C1QTNF9: variants seen among roughly 807,000 people sequenced by gnomAD.
C1QTNF9 encodes complement C1q and tumor necrosis factor-related protein 9A.
Under a neutral mutation model 10.1 loss-of-function variants are expected in C1QTNF9, and 6 were observed. The ratio of observed to expected loss-of-function variants is 0.59; its 90% confidence interval spans 0.32 to 1.17. The LOEUF is 1.17. C1QTNF9 is among the 50% of genes most tolerant of loss of function. The pLI, the probability that C1QTNF9 is intolerant of heterozygous loss-of-function variation, is 0.04. For synonymous variants in C1QTNF9, 98 were observed against 163.5 expected (o/e 0.60, Z 3.06); for missense variants, 201 against 418.8 (o/e 0.48, Z 4.54).
intron 2 of C1QTNF9, among the ~76,000 whole-genome samples, chr13:24,317,386 A>G (rs533575431): frequency 6.6e-6 from 1 of 152,162 alleles, no homozygotes; most frequent in African/African-American, 2.4e-5. Flanking sequence ...ACAAAGACAA[A>G]CACTCCTATA....
upstream of C1QTNF9, among the ~76,000 whole-genome samples, chr13:24,308,657 G>A (rs767406045): frequency 2.6e-5 from 4 of 152,186 alleles, no homozygotes; most frequent in South Asian, 2.1e-4. Context: ...CCTGCTCTGT[G>A]CGTGGGCTCC....
At chr13:24,308,111 G>A (rs1163865430), upstream of C1QTNF9, among the ~76,000 whole-genome samples, 3 of 152,234 alleles carry the variant, frequency 2.0e-5, no homozygotes, top group East Asian at 1.9e-4. Flanking sequence ...GGGAGAGCCC[G>A]GAATGGGGAG....
chr13:24,313,671 A>G (rs1194112283), intron 1 of C1QTNF9, among the ~76,000 whole-genome samples: 3 of 152,212 alleles, frequency 2.0e-5, no homozygotes, highest in Non-Finnish European at 4.4e-5. Flanking sequence ...CCAGATGGCA[A>G]TACAGTCTTT....
At chr13:24,310,055 T>G (rs7982155) in intron 1 of C1QTNF9, among the ~76,000 whole-genome samples, 119,110 of 151,596 alleles carry the variant, frequency 0.79, 46,880 homozygotes, top group Non-Finnish European at 0.8. Flanking sequence ...CACCACACCC[T>G]GCTAATTTTT....
chr13:24,317,244 G>T (rs1283623249), intron 2 of C1QTNF9, among the ~76,000 whole-genome samples: 9 of 147,154 alleles, frequency 6.1e-5, no homozygotes, highest in Non-Finnish European at 1.5e-5. Context: ...CCTCACACTG[G>T]GACCACAGTA....
At chr13:24,313,226 A>G (rs1476152454) in intron 1 of C1QTNF9, among the ~76,000 whole-genome samples, 1 of 152,258 alleles carries the variant, frequency 6.6e-6, no homozygotes, top group Non-Finnish European at 1.5e-5. Context: ...TACATGCTGT[A>G]TAAACAAGCT....
exon 2 of C1QTNF9, chr13:24,316,012 C>G: frequency 6.2e-7 from 1 of 1,613,782 alleles, no homozygotes; most frequent in South Asian, 1.1e-5. Flanking sequence ...CCATGAGGAT[C>G]TGGTGGCTTC....
intron 1 of C1QTNF9, among the ~76,000 whole-genome samples, chr13:24,309,827 C>A (rs1376369516): frequency 6.6e-6 from 1 of 152,130 alleles, no homozygotes; most frequent in East Asian, 1.9e-4. Flanking sequence ...TTTTGAAATT[C>A]TTCTGCTGGA....
intron 1 of C1QTNF9, among the ~76,000 whole-genome samples, chr13:24,311,346 T>C (rs1213138088): frequency 6.6e-6 from 1 of 152,224 alleles, no homozygotes; most frequent in Non-Finnish European, 1.5e-5. Flanking sequence ...AACACTATTT[T>C]GGGGGGACTA....
intron 3 of C1QTNF9, among the ~76,000 whole-genome samples, chr13:24,319,771 G>A (rs558513512): frequency 3.4e-4 from 52 of 152,230 alleles, no homozygotes; most frequent in African/African-American, 1.2e-3. Flanking sequence ...CTGATGGGTC[G>A]GGATGTAGTC....
chr13:24,319,748 C>T (rs895652427), intron 3 of C1QTNF9, among the ~76,000 whole-genome samples: 1 of 152,062 alleles, frequency 6.6e-6, no homozygotes, highest in African/African-American at 2.4e-5. Context: ...GGAGGTGGAA[C>T]TAGAACTGGT....
At chr13:24,311,286 A>C (rs1877811132) in intron 1 of C1QTNF9, among the ~76,000 whole-genome samples, 1 of 152,264 alleles carries the variant, frequency 6.6e-6, no homozygotes, top group Admixed American at 6.5e-5. Flanking sequence ...CAAAGGACAG[A>C]TATAGGTAAA....
At chr13:24,315,441 CTATT>C (rs1877986555) in intron 1 of C1QTNF9, among the ~76,000 whole-genome samples, 1 of 152,230 alleles carries the variant, frequency 6.6e-6, no homozygotes, top group African/African-American at 2.4e-5. Flanking sequence ...TTGCATGTAT[CTATT>C]TATCCACTGA....
At chr13:24,307,267 G>A (rs1451147679), upstream of C1QTNF9, 1 of 152,248 alleles carries the variant, frequency 6.6e-6, no homozygotes, top group Non-Finnish European at 1.5e-5. Context: ...GGCAACCTCG[G>A]AGGGCACCCT....
chr13:24,319,257 G>A (rs1878156095), intron 3 of C1QTNF9, among the ~76,000 whole-genome samples: 2 of 152,152 alleles, frequency 1.3e-5, no homozygotes, highest in South Asian at 2.1e-4. Context: ...TGCAAACCAT[G>A]GCCGAGCACC....
chr13:24,309,077 G>A (rs543653048), upstream of C1QTNF9, among the ~76,000 whole-genome samples: 45 of 151,960 alleles, frequency 3.0e-4, no homozygotes, highest in South Asian at 3.7e-3. Flanking sequence ...GGATCCAAAT[G>A]AGACCCAGCC....
chr13:24,308,538 G>A (rs1367954457), upstream of C1QTNF9, among the ~76,000 whole-genome samples: 1 of 152,246 alleles, frequency 6.6e-6, no homozygotes, highest in Non-Finnish European at 1.5e-5. Flanking sequence ...TGTCATGTCC[G>A]CTGCACTGAC....
At chr13:24,308,537 C>T (rs751413353), upstream of C1QTNF9, among the ~76,000 whole-genome samples, 3 of 152,346 alleles carry the variant, frequency 2.0e-5, no homozygotes, top group Admixed American at 6.5e-5. Flanking sequence ...TTGTCATGTC[C>T]GCTGCACTGA....
intron 1 of C1QTNF9, among the ~76,000 whole-genome samples, chr13:24,309,935 G>A (rs1346532682): frequency 5.9e-5 from 9 of 152,038 alleles, no homozygotes; most frequent in African/African-American, 1.4e-4. Context: ...TTGCTCTGTC[G>A]CCCAGGCTGG....
Sources: gnomAD v4.1 joint callset for allele counts (sites outside exome capture counted in the v4.1 genomes callset) on GRCh38, gnomAD v4.1.1 for gene constraint, MANE v1.5 for transcripts, NCBI Gene and HGNC (gene_info 2026-07-23, HGNC 2026-07-21) for gene names.